The following PCDHA10 variants were observed in gnomAD, a reference collection of about 807,000 sequenced individuals.
The protein encoded by PCDHA10 is protocadherin alpha-10.
Under a neutral mutation model 61.2 loss-of-function variants are expected in PCDHA10, and 45 were observed. That is an observed-to-expected ratio of 0.74 (90% CI 0.58 to 0.94). PCDHA10 has a LOEUF of 0.94. Ranked by LOEUF, PCDHA10 falls within the 40% of genes least tolerant of loss-of-function variation. The pLI is 0.00. For synonymous variants in PCDHA10, 602 were observed against 548.8 expected, an observed-to-expected ratio of 1.10 and a Z score of -1.35; for missense variants, 1,278 against 1,236.2, an observed-to-expected ratio of 1.03 and a Z score of -0.51.
chr5:140,861,872 G>T (rs1554155357), intron 1 of PCDHA10: 1 of 155,960 alleles, frequency 6.4e-6, no homozygotes, highest in Non-Finnish European at 1.4e-5. Context: ...TGATGGGGGC[G>T]AAGCTGAGCT....
At position 140,912,741 on chromosome 5, in the gene PCDHA10, C is replaced by T. The variant is rs371215646; in HGVS notation, c.2388+54305C>T. Among the ~76,000 whole-genome samples the T allele has an allele frequency of 2.1e-3, 323 of 152,182 alleles. 1 individual carries two copies. Among genetic ancestry groups the T allele is most frequent in the African/African-American group, 7.6e-3 (315 of 41,526 alleles). ...ATTCAATATGATGTTGGCTGTGGGT[C>T]TGTCATAGATGGCTTTTATTACTTT... On this transcript the variant is annotated intron_variant, in intron 1 of 3. Transcript: ENST00000307360.
intron 1 of PCDHA10, chr5:140,967,632 A>G (rs371201664): frequency 1.9e-5 from 31 of 1,614,028 alleles, no homozygotes; most frequent in Admixed American, 1.7e-4. Context: ...GAGGGCTCCA[A>G]TGGTGAGCTC....
chr5:140,956,540 G>C (rs1356910892), intron 1 of PCDHA10, among the ~76,000 whole-genome samples: 1 of 152,186 alleles, frequency 6.6e-6, no homozygotes, highest in Non-Finnish European at 1.5e-5. Context: ...TGTGCTGCTG[G>C]ATTTGGTTTG....
At chr5:140,895,036 A>T (rs1207978693) in intron 1 of PCDHA10, among the ~76,000 whole-genome samples, 1 of 151,998 alleles carries the variant, frequency 6.6e-6, no homozygotes, top group Non-Finnish European at 1.5e-5. Flanking sequence ...ATTGTCCCCC[A>T]CCCACACCAT....
At chr5:140,926,771 A>G in intron 1 of PCDHA10, 3 of 1,372,492 alleles carry the variant, frequency 2.2e-6, no homozygotes, top group Admixed American at 3.2e-5. Context: ...TCCAGCCCGC[A>G]GCAGTGACGG....
chr5:140,946,611 A>AATATATATATATATATATATATAT (rs1554217734), intron 1 of PCDHA10, among the ~76,000 whole-genome samples: 1,222 of 86,096 alleles, frequency 0.014, 42 homozygotes, highest in African/African-American at 0.029. Context: ...GAAAATGTGA[A>AATATATATATATATATATATATAT]ATATATATAT....
intron 1 of PCDHA10, chr5:140,860,473 G>A (rs534132649): frequency 6.6e-6 from 1 of 152,258 alleles, no homozygotes; most frequent in South Asian, 2.1e-4. Flanking sequence ...AGTTGGTGCA[G>A]TAGTACTTTA....
chr5:140,977,564 A>G (rs2096766034), intron 1 of PCDHA10, among the ~76,000 whole-genome samples: 1 of 152,178 alleles, frequency 6.6e-6, no homozygotes, highest in African/African-American at 2.4e-5. Flanking sequence ...TTGCTAGCAG[A>G]TTGGTAGAAT....
intron 3 of PCDHA10, among the ~76,000 whole-genome samples, chr5:140,987,213 C>CAA (rs58319157): frequency 8.4e-5 from 10 of 118,874 alleles, no homozygotes; most frequent in Non-Finnish European, 1.2e-4. Flanking sequence ...GACTCCATCT[C>CAA]AAAAAAAAAA....
At chr5:140,976,316 C>T (rs1336395893) in intron 1 of PCDHA10, among the ~76,000 whole-genome samples, 17 of 152,002 alleles carry the variant, frequency 1.1e-4, no homozygotes, top group Admixed American at 1.0e-3. Context: ...TTTGGGAGGC[C>T]GAGGAGGGTG....
intron 1 of PCDHA10, chr5:140,878,024 G>A (rs2057444305): frequency 7.9e-6 from 6 of 757,742 alleles, no homozygotes; most frequent in South Asian, 2.8e-5. Context: ...AAGGAAATAT[G>A]TAGGTACAAT....
intron 3 of PCDHA10, among the ~76,000 whole-genome samples, chr5:140,990,327 A>G (rs2097387817): frequency 1.3e-5 from 2 of 152,174 alleles, no homozygotes; most frequent in African/African-American, 4.8e-5. Flanking sequence ...AACAAACTTT[A>G]AAAATAAGTA....
intron 1 of PCDHA10, among the ~76,000 whole-genome samples, chr5:140,919,536 C>A (rs1554199151): frequency 6.6e-6 from 1 of 151,864 alleles, no homozygotes; most frequent in Admixed American, 6.6e-5. Context: ...TTTTCCTATA[C>A]TTTTCATTTA....
rs908218007 is a variant in PCDHA10 at position 140,929,518 on chromosome 5, T to C, written c.2389-49431T>C. On this transcript the variant is annotated intron_variant, in intron 1 of 3. Transcript: ENST00000307360. ...ATTGCCCTAGGCCTCAAGGGACTTA[T>C]AGTTTATTTTTGAGAAACAAGGGCA... 7 of 753,028 alleles carry C rather than the reference T, an allele frequency of 9.3e-6. No homozygotes were observed. The Admixed American group carries it at 1.2e-4, about 13-fold the overall frequency. The allele number at this position is 753,028 out of a possible 1,614,324, so 46.6% of individuals were successfully genotyped here. A position where few individuals can be genotyped will look rare whatever the true frequency, so the allele number is the denominator to read the frequency against.
intron 1 of PCDHA10, among the ~76,000 whole-genome samples, chr5:140,932,861 G>A (rs1554209099): frequency 6.6e-6 from 1 of 151,858 alleles, no homozygotes; most frequent in Non-Finnish European, 1.5e-5. Flanking sequence ...ATGACTTATT[G>A]TCTTTTGTTG....
chr5:141,008,265 G>C (rs748504708), intron 3 of PCDHA10, among the ~76,000 whole-genome samples: 4 of 152,200 alleles, frequency 2.6e-5, no homozygotes, highest in Admixed American at 6.5e-5. Flanking sequence ...AGACTGAGAA[G>C]TAATAGGAAA....
intron 1 of PCDHA10, among the ~76,000 whole-genome samples, chr5:140,938,899 A>G (rs1175857132): frequency 1.3e-5 from 2 of 152,000 alleles, no homozygotes; most frequent in African/African-American, 2.4e-5. Context: ...ACAGATGCGC[A>G]CACACACACA....
intron 1 of PCDHA10, among the ~76,000 whole-genome samples, chr5:140,955,135 G>A (rs114298661): frequency 0.017 from 2,539 of 152,204 alleles, 31 homozygotes; most frequent in Middle Eastern, 0.034. Flanking sequence ...TGGTCTACAC[G>A]TCTGTTTTTG....
intron 1 of PCDHA10, chr5:140,884,152 T>A: frequency 6.2e-7 from 1 of 1,613,450 alleles, no homozygotes; most frequent in Non-Finnish European, 8.5e-7. Context: ...GGCTGTACAC[T>A]GGCGAGATCA....
Sources: gnomAD v4.1 joint callset for allele counts (sites outside exome capture counted in the v4.1 genomes callset) on GRCh38, gnomAD v4.1.1 for gene constraint, MANE v1.5 for transcripts, NCBI Gene and HGNC (gene_info 2026-07-23, HGNC 2026-07-21) for gene names.